Variants in KLC1 observed in about 807,000 individuals in gnomAD.
KLC1 encodes kinesin 2 60/70kDa.
In KLC1, 30 loss-of-function variants were observed where a neutral mutation model predicts 84.2. The observed-to-expected ratio is 0.36, with a 90% confidence interval of 0.27 to 0.48. The LOEUF is 0.48. Among genes scored for constraint, KLC1 ranks in the 20% least tolerant of loss-of-function variants. The pLI is 0.99. For synonymous variants in KLC1, 289 were observed against 293.3 expected (o/e 0.99, Z 0.15); for missense variants, 499 against 805.4 (o/e 0.62, Z 4.60).
chr14:103,653,691 A>G (rs543016603), intron 1 of KLC1, among the ~76,000 whole-genome samples: 1 of 152,348 alleles, frequency 6.6e-6, no homozygotes, highest in East Asian at 1.9e-4. Flanking sequence ...GAGATTTTAG[A>G]CAGTGGCAGT....
intron 13 of KLC1, chr14:103,684,895 C>T: frequency 2.8e-6 from 2 of 718,380 alleles, no homozygotes; most frequent in Non-Finnish European, 5.2e-6. Flanking sequence ...TTTTAGCATC[C>T]TTTTTCTCAA....
intron 1 of KLC1, among the ~76,000 whole-genome samples, chr14:103,629,734 CCCCGGCT>C (rs2076525918): frequency 6.6e-6 from 1 of 152,102 alleles, no homozygotes; most frequent in Non-Finnish European, 1.5e-5. Flanking sequence ...CTTTTGCCAG[CCCCGGCT>C]CCCGGCGCCG....
chr14:103,654,201 G>A (rs1291759062), intron 1 of KLC1, among the ~76,000 whole-genome samples: 1 of 152,158 alleles, frequency 6.6e-6, no homozygotes, highest in Non-Finnish European at 1.5e-5. Flanking sequence ...AGAATGTAGT[G>A]TTCTTCCTGC....
chr14:103,631,002 G>A (rs990437197), intron 1 of KLC1, among the ~76,000 whole-genome samples: 9 of 152,294 alleles, frequency 5.9e-5, no homozygotes, highest in Non-Finnish European at 1.0e-4. Context: ...CTCCAGCAAG[G>A]GGGGAGGGAA....
At chr14:103,696,889 G>A in intron 15 of KLC1, 1 of 985,370 alleles carries the variant, frequency 1.0e-6, no homozygotes, top group Non-Finnish European at 1.2e-6. Flanking sequence ...AGTGTTCTGG[G>A]ACTGACTGCC....
Position 103,648,182 on chromosome 14 carries a change from C to T in KLC1, c.-1-6382C>T, listed in dbSNP as rs535238940. On this transcript the variant is annotated intron_variant, in intron 1 of 16. Transcript: ENST00000334553. ...GCCAGGATGGTCTCAATCTCTTGAC[C>T]TCGTGATTTGCCTGCCTTGGCCTCC... Among the ~76,000 whole-genome samples the T allele has an allele frequency of 3.9e-5, 6 of 152,220 alleles. No individual in the cohort carries two copies. The East Asian group carries it at 1.2e-3, about 30-fold the overall frequency.
chr14:103,632,569 A>G lies in KLC1; in HGVS notation c.-2+3075A>G, dbSNP rs369235980. On this transcript the variant is annotated intron_variant, in intron 1 of 16. Transcript: ENST00000334553. The stretch of plus-strand genomic sequence containing the variant: ...TGTCTCTACTAAAAATACAAAAAAA[A>G]CCAAAACCGGGTGTGGTGGCGGGTG... Among the ~76,000 whole-genome samples the G allele has an allele frequency of 7.2e-5, 11 of 151,996 alleles. No individual in the cohort carries two copies. The East Asian group carries it at 1.7e-3, about 24-fold the overall frequency.
chr14:103,654,577 A>G lies in KLC1; in HGVS notation c.13A>G (p.Met5Val). The change falls in exon 2 of 17, where the codon ATG (methionine) becomes GTG (valine). Residue 5 changes from methionine (M) to valine (V), a missense_variant. Coordinates refer to ENST00000334553, the MANE Select transcript of KLC1 (RefSeq NM_001394837.1). MYDN[M>V]STMVYIKEDK... Reference sequence around the variant, plus strand: ...TTTTCATTCCAGAATGTATGACAACATGTCCACAATGGTGTACATAAAGGA... The same window carrying G: ...TTTTCATTCCAGAATGTATGACAACGTGTCCACAATGGTGTACATAAAGGA... 6.2e-7 allele frequency: 1 copy of G among 1,606,302 alleles called. No homozygotes were observed. The highest frequency in any genetic ancestry group is 1.3e-5 in the African/African-American group (1 of 74,702).
At chr14:103,685,561 C>A in intron 13 of KLC1, 1 of 1,289,032 alleles carries the variant, frequency 7.8e-7, no homozygotes, top group Non-Finnish European at 1.0e-6. Flanking sequence ...TACTGTAAGC[C>A]AGGCTGTTAT....
chr14:103,693,930 T>C lies in KLC1; in HGVS notation c.1848+1505T>C, dbSNP rs2082268382. 8.1e-7 allele frequency: 1 copy of C among 1,235,430 alleles called. No homozygotes were observed. Among genetic ancestry groups the C allele is most frequent in the East Asian group, 3.7e-5 (1 of 27,368 alleles). 76.5% of individuals were successfully genotyped at this position (1,235,430 alleles called of 1,614,324 possible). A position where few individuals can be genotyped will look rare whatever the true frequency, so the allele number is the denominator to read the frequency against. Reference sequence around the variant, plus strand: ...ATTGGCTCCTGCTCACGGATGCTGTTGCATTTCCTGCCTGCCACCTTTTTG... The same window carrying C: ...ATTGGCTCCTGCTCACGGATGCTGTCGCATTTCCTGCCTGCCACCTTTTTG... On this transcript the variant is annotated intron_variant, in intron 15 of 16. Transcript: ENST00000334553. The surrounding 1 kb of genome is among the most constrained non-coding windows in gnomAD (Gnocchi z 5.1).
chr14:103,686,606 TA>T lies in KLC1; in HGVS notation c.1651-474del, dbSNP rs1259030916. On this transcript the variant is annotated intron_variant, in intron 13 of 16. Transcript: ENST00000334553. ...TACTGAAGGAAACAGTACCTCCAACTATTGCATTTAGACGAAACTGTTAAAA... is the reference window on the plus strand; with the variant it reads ...TACTGAAGGAAACAGTACCTCCAACTTTGCATTTAGACGAAACTGTTAAAA... The T allele has an allele frequency of 2.0e-5, 3 of 152,354 alleles. No individual in the cohort carries two copies. In the East Asian group the frequency reaches 5.8e-4, roughly 29 times the overall value. The allele number at this position is 152,354 out of a possible 1,614,324, so 9.4% of individuals were successfully genotyped here.
intron 1 of KLC1, among the ~76,000 whole-genome samples, chr14:103,638,093 G>A (rs975058549): frequency 1.3e-5 from 2 of 151,930 alleles, no homozygotes; most frequent in African/African-American, 2.4e-5. Flanking sequence ...GGGCTTCTGC[G>A]CCTGTATATG....
intron 16 of KLC1, 91 bp downstream of exon 16, chr14:103,700,818 G>A: frequency 1.8e-6 from 2 of 1,082,070 alleles, no homozygotes; most frequent in East Asian, 2.6e-5. Context: ...CTGGGGATGG[G>A]CAAGTGGTGA....
chr14:103,671,756 T>C (rs1164115049), intron 7 of KLC1, among the ~76,000 whole-genome samples: 1 of 152,164 alleles, frequency 6.6e-6, no homozygotes, highest in African/African-American at 2.4e-5. Context: ...TGGCAAGGAA[T>C]TGGGGGAGAG....
At chr14:103,632,480 C>A (rs960536571) in intron 1 of KLC1, among the ~76,000 whole-genome samples, 1 of 151,932 alleles carries the variant, frequency 6.6e-6, no homozygotes, top group Non-Finnish European at 1.5e-5. Flanking sequence ...CTTTGGGAGG[C>A]CAAGATGGAC....
At chr14:103,675,779 C>A in intron 11 of KLC1, 23 bp downstream of exon 11, 1 of 1,604,334 alleles carries the variant, frequency 6.2e-7, no homozygotes, top group Non-Finnish European at 8.5e-7. Flanking sequence ...TTGCGTTTGG[C>A]TGGAAAAACC....
At chr14:103,647,756 G>C (rs1295298351) in intron 1 of KLC1, among the ~76,000 whole-genome samples, 1 of 151,112 alleles carries the variant, frequency 6.6e-6, no homozygotes, top group Non-Finnish European at 1.5e-5. Context: ...TGTTCCTGTA[G>C]TTCTAGCTAC....
At chr14:103,699,657 G>A in intron 15 of KLC1, 8 of 1,459,656 alleles carry the variant, frequency 5.5e-6, no homozygotes, top group East Asian at 4.6e-5. Flanking sequence ...ACTGTCACTC[G>A]ACCGTCTGAA....
chr14:103,696,191 T>A, intron 15 of KLC1: 1 of 978,498 alleles, frequency 1.0e-6, no homozygotes. Context: ...GGACAGCATA[T>A]CTCTGGGTAG....
Sources: allele counts gnomAD v4.1 joint callset (sites outside exome capture counted in the v4.1 genomes callset), GRCh38; gene constraint gnomAD v4.1.1; non-coding constraint Gnocchi (gnomAD v3.1); transcripts MANE v1.5; gene names NCBI Gene and HGNC (gene_info 2026-07-23, HGNC 2026-07-21).